XKR9: variants seen among roughly 807,000 people sequenced by gnomAD.
The protein encoded by XKR9 is XK-related protein 9.
Under a neutral mutation model 32.0 loss-of-function variants are expected in XKR9, and 32 were observed. The ratio of observed to expected loss-of-function variants is 1.00; its 90% CI spans 0.76 to 1.34. The LOEUF (loss-of-function observed/expected upper bound fraction) is 1.34. Ranked by LOEUF, XKR9 falls within the 40% of genes most tolerant of loss-of-function variation. XKR9 has a pLI of 0.00. For missense variants in XKR9, 546 were observed against 429.7 expected (o/e 1.27, Z -2.39); for synonymous variants, 168 against 143.4 (o/e 1.17, Z -1.22).
chr8:70,783,186 T>C (rs761290544), intron 2 of XKR9, among the ~76,000 whole-genome samples: 9 of 152,176 alleles, frequency 5.9e-5, no homozygotes, highest in Non-Finnish European at 1.0e-4. Context: ...GTTAGCAATA[T>C]TAAGCATTTA....
chr8:70,885,512 C>T, the XKR9 span, among the ~76,000 whole-genome samples: 5 of 151,932 alleles, frequency 3.3e-5, no homozygotes, highest in Non-Finnish European at 7.4e-5. Context: ...AATCTGTCAT[C>T]TAGGTTTTAA....
chr8:70,986,632 G>T, the XKR9 span, among the ~76,000 whole-genome samples: 1 of 152,200 alleles, frequency 6.6e-6, no homozygotes. Context: ...ATTGGGTCCA[G>T]TGAAAGCTAA....
chr8:70,770,050 T>G (rs1458451832), intron 2 of XKR9, among the ~76,000 whole-genome samples: 2 of 152,106 alleles, frequency 1.3e-5, no homozygotes, highest in Non-Finnish European at 2.9e-5. Context: ...AGCCTTTTGG[T>G]GCTGTTTTTT....
chr8:70,741,332 G>A (rs1806977853), intron 2 of XKR9, among the ~76,000 whole-genome samples: 1 of 152,212 alleles, frequency 6.6e-6, no homozygotes, highest in African/African-American at 2.4e-5. Flanking sequence ...CCTCTGCCAT[G>A]TTATGATAGA....
chr8:70,785,897 C>T (rs1431793300), intron 2 of XKR9, among the ~76,000 whole-genome samples: 2 of 151,776 alleles, frequency 1.3e-5, no homozygotes, highest in Non-Finnish European at 2.9e-5. Flanking sequence ...GATCATATCT[C>T]ACTACAACTT....
At chr8:70,827,670 G>A in the XKR9 span, among the ~76,000 whole-genome samples, 2 of 152,090 alleles carry the variant, frequency 1.3e-5, no homozygotes. Context: ...CACATACACT[G>A]CAATTAGACT....
intron 2 of XKR9, among the ~76,000 whole-genome samples, chr8:70,745,019 TAAC>T (rs947451164): frequency 1.3e-5 from 2 of 150,142 alleles, no homozygotes; most frequent in African/African-American, 4.9e-5. Context: ...ATAATCCAAT[TAAC>T]AATATATGTA....
At chr8:70,930,785 A>C in the XKR9 span, among the ~76,000 whole-genome samples, 9,063 of 152,212 alleles carry the variant, frequency 0.06, 381 homozygotes, top group Non-Finnish European at 0.084. Context: ...TCAGCACTTC[A>C]TTTTTAGCAG....
At chr8:70,793,741 C>A (rs779647834), downstream of XKR9, among the ~76,000 whole-genome samples, 4 of 151,750 alleles carry the variant, frequency 2.6e-5, no homozygotes, top group Non-Finnish European at 5.9e-5. Context: ...TCCACACTGT[C>A]TTGATTATTG....
At chr8:70,672,949 G>T (rs1045702943) in intron 1 of XKR9, among the ~76,000 whole-genome samples, 2 of 152,086 alleles carry the variant, frequency 1.3e-5, no homozygotes, top group Admixed American at 6.5e-5. Context: ...TTCCTTGTAT[G>T]TTCTGGATAT....
the XKR9 span, among the ~76,000 whole-genome samples, chr8:71,003,142 G>A: frequency 3.5e-4 from 54 of 152,248 alleles, no homozygotes; most frequent in African/African-American, 1.2e-3. Context: ...AGCTTATTTC[G>A]GGGTCATTAA....
chr8:70,960,458 A>C, the XKR9 span, among the ~76,000 whole-genome samples: 1 of 152,152 alleles, frequency 6.6e-6, no homozygotes, highest in Non-Finnish European at 1.5e-5. Context: ...TAGATAGGTG[A>C]CCCATACTTG....
chr8:70,987,996 C>T, the XKR9 span, among the ~76,000 whole-genome samples: 2 of 152,198 alleles, frequency 1.3e-5, no homozygotes, highest in African/African-American at 2.4e-5. Flanking sequence ...TACGTTGGCC[C>T]CTTTCAGCCA....
At chr8:71,054,827 C>A in the XKR9 span, among the ~76,000 whole-genome samples, 344 of 152,166 alleles carry the variant, frequency 2.3e-3, 2 homozygotes, top group African/African-American at 7.9e-3. Flanking sequence ...AGCAACTCTG[C>A]GCAGGTGTTG....
In XKR9 at chr8:70,734,793, CTG is replaced by C. The variant is rs1806811610; in HGVS notation, c.*371_*372del. The C allele has an allele frequency of 1.3e-5, 2 of 157,122 alleles. No homozygotes were observed. Among genetic ancestry groups the C allele is most frequent in the African/African-American group, 4.8e-5 (2 of 41,510 alleles). The allele number at this position is 157,122 out of a possible 1,614,324, so 9.7% of individuals were successfully genotyped here. The stretch of plus-strand genomic sequence containing the variant: ...GCAAAGGGAAGAGAAAAGCAGAACA[CTG>C]TATTATTTTTTCCTTTATTGTCTTC... On this transcript the variant is annotated 3_prime_UTR_variant, in exon 5 of 5. Transcript: ENST00000408926.
At chr8:70,922,930 C>T in the XKR9 span, among the ~76,000 whole-genome samples, 2 of 152,294 alleles carry the variant, frequency 1.3e-5, no homozygotes, top group East Asian at 1.9e-4. Context: ...GTGATGCTGC[C>T]GACGGGGCTC....
chr8:70,719,154 G>T (rs1806191013), intron 4 of XKR9, among the ~76,000 whole-genome samples: 1 of 151,710 alleles, frequency 6.6e-6, no homozygotes, highest in Non-Finnish European at 1.5e-5. Context: ...ACTTTTTGAT[G>T]GGATTTTTTT....
At chr8:70,675,063 T>C (rs1331844946) in intron 2 of XKR9, among the ~76,000 whole-genome samples, 164 bp downstream of exon 2, 1 of 152,230 alleles carries the variant, frequency 6.6e-6, no homozygotes, top group Non-Finnish European at 1.5e-5. Flanking sequence ...ATATTTGGAA[T>C]TGGATTGAAA....
the XKR9 span, among the ~76,000 whole-genome samples, chr8:70,885,686 T>A: frequency 0.027 from 4,143 of 152,066 alleles, 83 homozygotes; most frequent in Non-Finnish European, 0.037. Flanking sequence ...AAGCTCCGCC[T>A]CCCGGGATCA....
Sources: gnomAD v4.1 joint callset for allele counts (sites outside exome capture counted in the v4.1 genomes callset) on GRCh38, gnomAD v4.1.1 for gene constraint, MANE v1.5 for transcripts, NCBI Gene and HGNC (gene_info 2026-07-23, HGNC 2026-07-21) for gene names.